ITGAE: variants seen among roughly 807,000 people sequenced by gnomAD.
The protein encoded by ITGAE is integrin subunit alpha E.
In ITGAE, 99 loss-of-function variants were observed where a neutral mutation model predicts 136.5. The observed-to-expected ratio is 0.73, with a 90% CI of 0.62 to 0.86. The LOEUF (loss-of-function observed/expected upper bound fraction) is 0.86, where lower values mean the gene tolerates loss of function less well. Ranked by LOEUF, ITGAE falls within the 40% of genes least tolerant of loss-of-function variation. The probability of loss-of-function intolerance (pLI) is 0.00; values close to 1 mark genes in which losing one functional copy is unlikely to be tolerated. For synonymous variants in ITGAE, 613 were observed against 591.8 expected (o/e 1.04, Z -0.52); for missense variants, 1,447 against 1,515.3 (o/e 0.95, Z 0.75).
Position 3,751,673 on chromosome 17 carries a change from C to A in ITGAE, c.1870G>T (p.Gly624Cys). 6.2e-7 allele frequency: 1 copy of A among 1,613,838 alleles called. No homozygotes were observed. The highest frequency in any genetic ancestry group is 1.1e-5 in the South Asian group (1 of 91,070). The change falls in exon 15 of 31, where the codon GGC becomes TGC. Residue 624 changes from glycine (G) to cysteine (C), a missense_variant. This residue lies in a region of ITGAE where 1,031 missense variants were observed against 1,011.4 expected (regional missense o/e 1.02). Coordinates refer to ENST00000263087, the MANE Select transcript of ITGAE (RefSeq NM_002208.5). ...SVYIYNGHWD[G>C]LSASPSQRIR... ...ACCTGCGAGGGGCTGGCGGAGAGGC[C>A]GTCCCAGTGTCCATTGTAGATATAC... is the stretch of plus-strand genomic sequence containing the variant.
chr17:3,755,064 A>AGGCCCCGCACTCATCAGGT (rs2051978370), intron 12 of ITGAE, 53 bp downstream of exon 12: 1 of 736,114 alleles, frequency 1.4e-6, no homozygotes, highest in Non-Finnish European at 2.0e-6. Flanking sequence ...GGGAGCCTCC[A>AGGCCCCGCACTCATCAGGT]GGCCCCGCCC....
intron 19 of ITGAE, 103 bp downstream of exon 19, chr17:3,743,386 G>A (rs1467791928): frequency 3.7e-6 from 5 of 1,345,636 alleles, no homozygotes; most frequent in Non-Finnish European, 5.0e-6. Context: ...GCCGTCTGAA[G>A]ACATTGCCTC....
At chr17:3,795,806 TGTGTGCATCC>T (rs1418496866) in intron 1 of ITGAE, among the ~76,000 whole-genome samples, 2 of 151,164 alleles carry the variant, frequency 1.3e-5, no homozygotes, top group Non-Finnish European at 3.0e-5. Context: ...CGTGTGTGCT[TGTGTGCATCC>T]GTGTGCATCC....
In ITGAE at chr17:3,777,668, GA is replaced by G. The variant is rs1307877586; in HGVS notation, c.35-9del. ...CGGCCAGCAGGGCCAGGCCTGTAGGGAAAAGAGGAGCGTTTAATGAAAGAGG... is the reference window on the plus strand; with the variant it reads ...CGGCCAGCAGGGCCAGGCCTGTAGGGAAAGAGGAGCGTTTAATGAAAGAGG... On this transcript the variant is annotated splice_polypyrimidine_tract_variant and intron_variant, in intron 1 of 30. Transcript: ENST00000263087. The G allele has an allele frequency of 3.7e-6, 6 of 1,601,166 alleles. No homozygotes were observed. The Admixed American group carries it at 7.0e-5, about 19-fold the overall frequency.
intron 2 of ITGAE, among the ~76,000 whole-genome samples, chr17:3,765,276 G>A (rs1264026268): frequency 6.8e-6 from 1 of 146,480 alleles, no homozygotes; most frequent in East Asian, 2.0e-4. Context: ...GTGAACCCAG[G>A]AGGCAGAGGT....
At chr17:3,746,519 G>A (rs991438130) in intron 17 of ITGAE, among the ~76,000 whole-genome samples, 4 of 151,110 alleles carry the variant, frequency 2.6e-5, no homozygotes, top group Admixed American at 6.6e-5. Context: ...GCAGCGGCGC[G>A]ATCTTGGCTC....
intron 1 of ITGAE, among the ~76,000 whole-genome samples, chr17:3,796,449 C>T (rs1438363188): frequency 6.6e-6 from 1 of 152,142 alleles, no homozygotes; most frequent in Non-Finnish European, 1.5e-5. Flanking sequence ...CTGGGCTTGG[C>T]ACCTCGCTTC....
chr17:3,756,865 A>G (rs2052038426), intron 10 of ITGAE, 119 bp downstream of exon 10: 1 of 1,088,040 alleles, frequency 9.2e-7, no homozygotes, highest in Non-Finnish European at 1.3e-6. Flanking sequence ...GACATGGAAG[A>G]GCTGAGGTTC....
chr17:3,750,513 G>A (rs376746219), intron 15 of ITGAE, 31 bp from the exon 16 acceptor site: 158 of 1,612,692 alleles, frequency 9.8e-5, no homozygotes, highest in African/African-American at 8.9e-4. Flanking sequence ...GGCGTGGGGC[G>A]AGGGAAGGGA....
intron 1 of ITGAE, among the ~76,000 whole-genome samples, chr17:3,789,550 G>C (rs972276797): frequency 2.7e-5 from 4 of 148,870 alleles, no homozygotes; most frequent in Non-Finnish European, 4.4e-5. Context: ...ACCCAGGCTG[G>C]AGTGCAGTGG....
chr17:3,724,641 C>G, intron 26 of ITGAE: 1 of 1,614,198 alleles, frequency 6.2e-7, no homozygotes, highest in South Asian at 1.1e-5. Flanking sequence ...GATGGTCCAC[C>G]AAACCCGCGC....
intron 1 of ITGAE, among the ~76,000 whole-genome samples, chr17:3,785,183 A>G (rs72825422): frequency 0.1 from 15,665 of 151,668 alleles, 1,038 homozygotes; most frequent in Non-Finnish European, 0.15. Flanking sequence ...AGGGAAGAAA[A>G]GATGGCCGGA....
At chr17:3,794,641 C>T (rs965796442) in intron 1 of ITGAE, among the ~76,000 whole-genome samples, 1 of 152,190 alleles carries the variant, frequency 6.6e-6, no homozygotes, top group Non-Finnish European at 1.5e-5. Context: ...CCCGCTGCTC[C>T]CCCACGAATC....
rs367761073 is a variant in ITGAE, at chr17:3,753,434, C to T, written c.1528-4G>A. ...CAGAGCCAAAATAGGACCCCATCTA[C>T]AGCCCGGGAGGAACTCAGCTCACCA... On this transcript the variant is annotated splice_region_variant and splice_polypyrimidine_tract_variant and intron_variant, in intron 13 of 30. Transcript: ENST00000263087. The T allele has an allele frequency of 2.5e-6, 4 of 1,613,112 alleles. No individual in the cohort carries two copies. The African/African-American group carries it at 4.0e-5, about 16-fold the overall frequency.
chr17:3,767,127 A>T (rs374486173), intron 2 of ITGAE, among the ~76,000 whole-genome samples: 1 of 141,572 alleles, frequency 7.1e-6, no homozygotes, highest in South Asian at 2.2e-4. Flanking sequence ...ATGGAGTTTC[A>T]CTCTTGTCGC....
Position 3,720,458 on chromosome 17 carries a change from C to T in ITGAE, c.3238-56G>A, listed in dbSNP as rs573711541. On this transcript the variant is annotated intron_variant, in intron 28 of 30. Transcript: ENST00000263087. ...AAAACATATTTTAGACATGAACTCA[C>T]TGTGTTTGAACAGCCTTCACCACCT... The T allele has an allele frequency of 2.2e-4, 187 of 833,304 alleles. 1 individual carries two copies. Among genetic ancestry groups the T allele is most frequent in the Non-Finnish European group, 3.7e-4 (177 of 480,516 alleles). The allele number at this position is 833,304 out of a possible 1,614,324, so 51.6% of individuals were successfully genotyped here. A position where few individuals can be genotyped will look rare whatever the true frequency, so the allele number is the denominator to read the frequency against.
intron 2 of ITGAE, among the ~76,000 whole-genome samples, chr17:3,775,231 G>A (rs542179356): frequency 8.3e-4 from 127 of 152,220 alleles, no homozygotes; most frequent in African/African-American, 2.9e-3. Flanking sequence ...GATTACAGGT[G>A]AGCCACTGCA....
intron 20 of ITGAE, among the ~76,000 whole-genome samples, chr17:3,737,653 G>A (rs1044578447): frequency 3.3e-5 from 5 of 152,182 alleles, no homozygotes; most frequent in African/African-American, 1.2e-4. Flanking sequence ...AATATTAACA[G>A]CGTTGCCTAA....
At chr17:3,778,871 A>C (rs775667891) in intron 1 of ITGAE, among the ~76,000 whole-genome samples, 2 of 152,210 alleles carry the variant, frequency 1.3e-5, no homozygotes, top group Non-Finnish European at 2.9e-5. Flanking sequence ...TCTAGAAAAC[A>C]TGGACAAATA....
Sources: allele counts gnomAD v4.1 joint callset (sites outside exome capture counted in the v4.1 genomes callset), GRCh38; gene constraint gnomAD v4.1.1; regional missense constraint gnomAD v4.1.1; transcripts MANE v1.5; gene names NCBI Gene and HGNC (gene_info 2026-07-23, HGNC 2026-07-21).